The following ATAD5 variants were observed in gnomAD, a reference collection of about 807,000 sequenced individuals.
ATAD5 encodes ATPase family AAA domain-containing protein 5.
ATAD5 carries 58 observed loss-of-function variants against 176.9 expected under a neutral mutation model. The ratio of observed to expected loss-of-function variants is 0.33; its 90% CI spans 0.27 to 0.41. ATAD5 has a LOEUF of 0.41. Among genes scored for constraint, ATAD5 ranks in the 10% least tolerant of loss-of-function variants. ATAD5 has a pLI of 1.00. For missense variants in ATAD5, 1,789 were observed against 2,094.1 expected (o/e 0.85, Z 2.84); for synonymous variants, 640 against 712.6 (o/e 0.90, Z 1.62).
rs763286624 is a variant in ATAD5, at chr17:30,834,418, A to C, written c.337A>C (p.Lys113Gln). Residue 113 changes from lysine (K) to glutamine (Q), a missense_variant, in exon 2 of 23, where the codon AAA becomes CAA. Coordinates refer to ENST00000321990, the MANE Select transcript of ATAD5 (RefSeq NM_024857.5). ...GTTCTCAAATGTAGAGTTTAAGAAG[A>C]AAAGAAAGAGGGTTAATTTATCTCA... ...EMFSNVEFKK[K>Q]RKRVNLSHQL... 8.8e-6 allele frequency: 14 copies of C among 1,599,556 alleles called. No homozygotes were observed. Among genetic ancestry groups the C allele is most frequent in the Non-Finnish European group, 1.1e-5 (13 of 1,174,706 alleles).
At chr17:30,887,863 G>A (rs899335466) in intron 19 of ATAD5, among the ~76,000 whole-genome samples, 6 of 152,006 alleles carry the variant, frequency 3.9e-5, no homozygotes, top group African/African-American at 1.5e-4. Context: ...ATGGAGTCTC[G>A]CACTGTTGCC....
chr17:30,834,019 C>T, intron 1 of ATAD5, 129 bp from the exon 2 acceptor site: 1 of 775,018 alleles, frequency 1.3e-6, no homozygotes, highest in Non-Finnish European at 1.9e-6. Context: ...TCTAATATAT[C>T]ACGTTTTTCA....
At chr17:30,867,053 TTTC>T (rs1194707820) in intron 11 of ATAD5, among the ~76,000 whole-genome samples, 8 of 147,700 alleles carry the variant, frequency 5.4e-5, no homozygotes, top group Non-Finnish European at 9.0e-5. Flanking sequence ...TTGTTCCTTC[TTTC>T]TTTTTTTTTT....
In ATAD5 at chr17:30,856,834, G is replaced by A. The variant is rs1018909441; in HGVS notation, c.2636-121G>A. ...ATTTTGTTCCCTTTATAGTCATGTG[G>A]TTTTTGGTATGTTTGTGTTAATTAT... On this transcript the variant is annotated intron_variant, in intron 7 of 22. Transcript: ENST00000321990. The A allele has an allele frequency of 3.2e-6, 3 of 925,768 alleles. No individual in the cohort carries two copies. The Admixed American group carries it at 1.2e-4, about 36-fold the overall frequency. 57.3% of individuals were successfully genotyped at this position (925,768 alleles called of 1,614,324 possible).
At chr17:30,874,006 A>G (rs548630785) in intron 14 of ATAD5, among the ~76,000 whole-genome samples, 1 of 151,788 alleles carries the variant, frequency 6.6e-6, no homozygotes, top group Non-Finnish European at 1.5e-5. Flanking sequence ...CTCTACTAAA[A>G]ATAGAAAAAT....
At chr17:30,862,133 G>A (rs893058943) in intron 10 of ATAD5, among the ~76,000 whole-genome samples, 1 of 546 alleles carries the variant, frequency 1.8e-3, no homozygotes, top group African/African-American at 0.012. Context: ...TCAGGAGTTT[G>A]AGACCAGCCT....
rs373317723 is a variant in ATAD5 at position 30,834,459 on chromosome 17, T to C, written c.378T>C (p.Ile126=). The C allele has an allele frequency of 9.4e-6, 15 of 1,588,990 alleles. No homozygotes were observed. The highest frequency in any genetic ancestry group is 3.4e-6 in the Non-Finnish European group (4 of 1,169,812). ...ATTTATCTCATCAACTAAATAATAT[T>C]AAAACTGAAAATGAAGCTCCAATTG... ...RVNLSHQLNN[I]KTENEAPIEI... The change falls in exon 2 of 23, where the codon ATT becomes ATC. Residue 126 remains isoleucine, a synonymous_variant. Coordinates refer to ENST00000321990, the MANE Select transcript of ATAD5 (RefSeq NM_024857.5).
At chr17:30,847,876 C>T (rs1002681050) in intron 6 of ATAD5, among the ~76,000 whole-genome samples, 7 of 151,264 alleles carry the variant, frequency 4.6e-5, no homozygotes, top group Admixed American at 4.6e-4. Context: ...CCTGTCACCA[C>T]GCCTGGCTAA....
chr17:30,894,325 AAAT>A (rs2142462568), intron 21 of ATAD5, among the ~76,000 whole-genome samples, 175 bp downstream of exon 21: 1 of 152,274 alleles, frequency 6.6e-6, no homozygotes, highest in East Asian at 1.9e-4. Context: ...CTGGGAAGAG[AAAT>A]AATGAGTGAT....
chr17:30,855,521 A>G (rs1358256526), intron 7 of ATAD5, among the ~76,000 whole-genome samples, 194 bp downstream of exon 7: 1 of 151,990 alleles, frequency 6.6e-6, no homozygotes, highest in African/African-American at 2.4e-5. Context: ...ACTAGCACTC[A>G]TGGATGCTCA....
In ATAD5 at chr17:30,856,948, TC is replaced by T; in HGVS notation, c.2636-6del. ...GTTTATTAAGATATTTGTCTATTTT[TC>T]TTTAGGGTGTTGTTTGTGGCATTTG... On this transcript the variant is annotated splice_polypyrimidine_tract_variant and splice_region_variant and intron_variant, in intron 7 of 22. Transcript: ENST00000321990. The T allele has an allele frequency of 6.4e-7, 1 of 1,568,200 alleles. No homozygotes were observed. The highest frequency in any genetic ancestry group is 1.4e-5 in the African/African-American group (1 of 72,264).
At position 30,844,032 on chromosome 17, in the gene ATAD5, T is replaced by A; in HGVS notation, c.2361T>A (p.Asn787Lys). Reference sequence around the variant, plus strand: ...AAAAACTTAACACATCCACTAAAAATGTACCTGGTAATCAGAGTTAATAAT... The same window carrying A: ...AAAAACTTAACACATCCACTAAAAAAGTACCTGGTAATCAGAGTTAATAAT... ...LGKKLNTSTKNVPGKMKVAPL... is the reference protein window; with the variant it reads ...LGKKLNTSTKKVPGKMKVAPL... Residue 787 changes from asparagine to lysine, a missense_variant, in exon 5 of 23, where the codon AAT (asparagine) becomes AAA (lysine). By Grantham distance (94) the Asn-to-Lys change is moderately conservative. Coordinates refer to ENST00000321990, the MANE Select transcript of ATAD5 (RefSeq NM_024857.5). 1 of 1,541,526 alleles carries A rather than the reference T, an allele frequency of 6.5e-7. No homozygotes were observed. Among genetic ancestry groups the A allele is most frequent in the East Asian group, 2.3e-5 (1 of 43,118 alleles).
intron 20 of ATAD5, 132 bp from the exon 21 acceptor site, chr17:30,893,162 T>G: frequency 1.1e-6 from 1 of 900,970 alleles, no homozygotes; most frequent in East Asian, 2.8e-5. Context: ...TAAATATAGA[T>G]AAATAAAATT....
At chr17:30,881,336 G>C (rs1272228041) in intron 18 of ATAD5, among the ~76,000 whole-genome samples, 1 of 152,046 alleles carries the variant, frequency 6.6e-6, no homozygotes, top group Non-Finnish European at 1.5e-5. Context: ...CAATTGTCCT[G>C]TTGCCCAGGC....
At chr17:30,883,896 G>T (rs1373777993) in intron 18 of ATAD5, among the ~76,000 whole-genome samples, 2 of 152,010 alleles carry the variant, frequency 1.3e-5, no homozygotes, top group Non-Finnish European at 2.9e-5. Flanking sequence ...GTGACTCCTA[G>T]ACAATTTAAA....
intron 2 of ATAD5, among the ~76,000 whole-genome samples, chr17:30,836,686 GCCT>G (rs1905766423): frequency 6.6e-6 from 1 of 152,232 alleles, no homozygotes; most frequent in East Asian, 1.9e-4. Context: ...TCGTGCCTCA[GCCT>G]CCTGAGTAGC....
Position 30,869,608 on chromosome 17 carries a change from C to G in ATAD5, c.3569C>G (p.Pro1190Arg). 6.2e-7 allele frequency: 1 copy of G among 1,601,634 alleles called. No individual in the cohort carries two copies. The highest frequency in any genetic ancestry group is 8.5e-7 in the Non-Finnish European group (1 of 1,177,206). Reference protein sequence around the residue: ...VDKQGVNSQKPCFFNSYYIGK... With the variant: ...VDKQGVNSQKRCFFNSYYIGK... ...AAACAAGGTGTAAACTCACAAAAAC[C>G]CTGTTTTTTTAATAGCTACTACATA... Residue 1190 changes from proline (P) to arginine (R), a missense_variant, in exon 14 of 23, where the codon CCC becomes CGC. Physicochemically the swap from Pro to Arg is moderately radical, Grantham distance 103. Coordinates refer to ENST00000321990, the MANE Select transcript of ATAD5 (RefSeq NM_024857.5).
Position 30,879,433 on chromosome 17 carries a change from T to C in ATAD5, c.4023T>C (p.Phe1341=). ...PVILTTSDPT[F]SLMFDGCFEE... Reference sequence around the variant, plus strand: ...TGTGTGTGTGTGTAGACCCAACATTTAGTTTAATGTTTGATGGCTGCTTTG... The same window carrying C: ...TGTGTGTGTGTGTAGACCCAACATTCAGTTTAATGTTTGATGGCTGCTTTG... Residue 1341 remains phenylalanine, a synonymous_variant, in exon 18 of 23, where the codon TTT becomes TTC. Transcript: ENST00000321990. The C allele has an allele frequency of 1.3e-6, 2 of 1,595,718 alleles. No individual in the cohort carries two copies. Among genetic ancestry groups the C allele is most frequent in the Non-Finnish European group, 1.7e-6 (2 of 1,175,240 alleles).
At chr17:30,841,320 C>T (rs1012160669) in intron 4 of ATAD5, among the ~76,000 whole-genome samples, 14 of 152,132 alleles carry the variant, frequency 9.2e-5, no homozygotes, top group African/African-American at 3.4e-4. Context: ...GCTCTAGTCA[C>T]ACAGAATTGT....
Sources: allele counts gnomAD v4.1 joint callset (sites outside exome capture counted in the v4.1 genomes callset), GRCh38; gene constraint gnomAD v4.1.1; transcripts MANE v1.5; gene names NCBI Gene and HGNC (gene_info 2026-07-23, HGNC 2026-07-21).